Variants in KCNT2 observed in about 807,000 individuals in gnomAD.
KCNT2 encodes the protein potassium channel subfamily T member 2.
KCNT2 carries 67 observed loss-of-function variants against 153.8 expected under a neutral mutation model. The ratio of observed to expected loss-of-function variants is 0.44; its 90% confidence interval spans 0.36 to 0.53. The LOEUF is 0.53. Ranked by LOEUF, KCNT2 falls within the 20% of genes least tolerant of loss-of-function variation. The probability of loss-of-function intolerance (pLI) is 0.00; values close to 1 mark genes in which losing one functional copy is unlikely to be tolerated. For synonymous variants in KCNT2, 500 were observed against 458.8 expected, an observed-to-expected ratio of 1.09 and a Z score of -1.15; for missense variants, 975 against 1,354.8, an observed-to-expected ratio of 0.72 and a Z score of 4.40.
chr1:196,331,228 A>G lies in KCNT2; in HGVS notation c.2031T>C (p.Tyr677=). The change falls in exon 18 of 28, where the codon TAT becomes TAC. Residue 677 remains tyrosine, a synonymous_variant. Coordinates refer to ENST00000294725, the MANE Select transcript of KCNT2 (RefSeq NM_198503.5). ...YAKGYPPYSP[Y]IGSSPTFCHL... ...GACAAAAAGTGGGTGAACTTCCTAT[A>G]TATGGAGAATAAGGTGGGTAACCTT... 1 of 1,604,642 alleles carries G rather than the reference A, an allele frequency of 6.2e-7. No homozygotes were observed. Among genetic ancestry groups the G allele is most frequent in the South Asian group, 1.1e-5 (1 of 90,872 alleles).
rs549337678 is a variant in KCNT2, at chr1:196,507,558, C to T, written c.96-15217G>A. Among the ~76,000 whole-genome samples, 357 of 152,182 alleles carry T rather than the reference C, an allele frequency of 2.3e-3. 6 individuals carry two copies. Among genetic ancestry groups the T allele is most frequent in the Non-Finnish European group, 5.3e-4 (36 of 68,004 alleles). ...AAGTGCAGGTGGAGGGGTAACTCAG[C>T]AATTTTATTCTATCATTGCCTAGAA... On this transcript the variant is annotated intron_variant, in intron 1 of 27. Transcript: ENST00000294725.
chr1:196,265,193 G>A (rs533228), intron 25 of KCNT2, among the ~76,000 whole-genome samples: 112,927 of 152,026 alleles, frequency 0.74, 43,810 homozygotes, highest in East Asian at 0.94. Flanking sequence ...GGGTATCTAG[G>A]CAATGACCAC....
Position 196,280,953 on chromosome 1 carries a change from A to G in KCNT2, c.2817T>C (p.Thr939=). 1 of 1,611,810 alleles carries G rather than the reference A, an allele frequency of 6.2e-7. No individual in the cohort carries two copies. Among genetic ancestry groups the G allele is most frequent in the Non-Finnish European group, 8.5e-7 (1 of 1,177,962 alleles). Residue 939 remains threonine, a synonymous_variant, in exon 25 of 28, where the codon ACT becomes ACC. Transcript: ENST00000294725. The part of the protein sequence containing the change: ...KITADDLWIR[T]YARLYQKLCS... ...ACAACTTCTGATAAAGTCTGGCATA[A>G]GTTCTGATCCATAAGTCATCTGCAG...
At chr1:196,285,606 C>G in intron 23 of KCNT2, 51 bp downstream of exon 23, 1 of 1,167,308 alleles carries the variant, frequency 8.6e-7, no homozygotes, top group Non-Finnish European at 1.3e-6. Flanking sequence ...TAAATAAAAT[C>G]TAAAACAGAA....
intron 1 of KCNT2, among the ~76,000 whole-genome samples, chr1:196,603,221 T>G (rs1664953205): frequency 6.6e-6 from 1 of 152,236 alleles, no homozygotes; most frequent in Non-Finnish European, 1.5e-5. Context: ...AAGTAAATGC[T>G]TAAATCATTT....
intron 8 of KCNT2, among the ~76,000 whole-genome samples, chr1:196,449,514 A>C (rs1675970186): frequency 6.6e-6 from 1 of 151,786 alleles, no homozygotes; most frequent in Non-Finnish European, 1.5e-5. Flanking sequence ...TGGTATATTA[A>C]CCTGGGTAGG....
chr1:196,471,821 T>C (rs1029145175), intron 5 of KCNT2, among the ~76,000 whole-genome samples: 1 of 152,194 alleles, frequency 6.6e-6, no homozygotes, highest in African/African-American at 2.4e-5. Flanking sequence ...CGATTTTTCT[T>C]CCACATTAAA....
At chr1:196,469,826 GCA>G (rs1383633966) in intron 5 of KCNT2, among the ~76,000 whole-genome samples, 1 of 152,100 alleles carries the variant, frequency 6.6e-6, no homozygotes, top group Non-Finnish European at 1.5e-5. Context: ...ACGATAATGA[GCA>G]CAGACTTTCC....
rs1260757601 is a variant in KCNT2, at chr1:196,329,948, G to T, written c.2103+1208C>A. Among the ~76,000 whole-genome samples, 10 of 54,590 alleles carry T rather than the reference G, an allele frequency of 1.8e-4. No homozygotes were observed. The South Asian group carries it at 4.7e-3, about 26-fold the overall frequency. 35.8% of individuals were successfully genotyped at this position (54,590 alleles called of 152,430 possible). On this transcript the variant is annotated intron_variant, in intron 18 of 27. Transcript: ENST00000294725. ...TGAAATGGATAATTCTGTTCCTCAA[G>T]ACATATATATATATATATATATATA...
intron 13 of KCNT2, among the ~76,000 whole-genome samples, chr1:196,397,487 C>G (rs944411054): frequency 1.3e-5 from 2 of 151,366 alleles, no homozygotes; most frequent in African/African-American, 4.8e-5. Context: ...TAGAGAGGCC[C>G]TAGCACCTAT....
rs11802997 is a variant in KCNT2 at position 196,282,170 on chromosome 1, C to T, written c.2781+103G>A. The T allele has an allele frequency of 7.8e-3, 4,176 of 532,886 alleles. 132 individuals are homozygous for T. The highest frequency in any genetic ancestry group is 0.073 in the African/African-American group (3,732 of 51,324). The allele number at this position is 532,886 out of a possible 1,614,324, so 33.0% of individuals were successfully genotyped here. A position where few individuals can be genotyped will look rare whatever the true frequency, so the allele number is the denominator to read the frequency against. On this transcript the variant is annotated intron_variant, in intron 24 of 27. Transcript: ENST00000294725. ...CTCAAATGCATCTGGATTCACAATA[C>T]AAAAAATAACACATGACATAGAAGA...
chr1:196,308,935 T>C (rs1288062858), intron 21 of KCNT2, among the ~76,000 whole-genome samples: 3 of 152,058 alleles, frequency 2.0e-5, no homozygotes, highest in Non-Finnish European at 2.9e-5. Context: ...ATCAAGTTTT[T>C]ACTATTAGAA....
At chr1:196,521,715 A>G (rs919021472) in intron 1 of KCNT2, among the ~76,000 whole-genome samples, 6 of 152,110 alleles carry the variant, frequency 3.9e-5, no homozygotes, top group South Asian at 2.1e-4. Context: ...ACCAAAAACC[A>G]TATGTTCTCA....
intron 1 of KCNT2, among the ~76,000 whole-genome samples, chr1:196,537,840 C>A (rs1461737394): frequency 1.3e-5 from 2 of 152,174 alleles, no homozygotes; most frequent in Non-Finnish European, 2.9e-5. Flanking sequence ...ATTCTTATCT[C>A]TCGTGGGGGC....
chr1:196,283,168 A>G (rs1403544680), intron 23 of KCNT2, among the ~76,000 whole-genome samples: 1 of 152,156 alleles, frequency 6.6e-6, no homozygotes, highest in African/African-American at 2.4e-5. Context: ...TAAAAAATTA[A>G]GGAGGTGGCT....
At chr1:196,322,903 G>A (rs946681647) in intron 19 of KCNT2, among the ~76,000 whole-genome samples, 5 of 151,532 alleles carry the variant, frequency 3.3e-5, no homozygotes, top group Admixed American at 1.3e-4. Flanking sequence ...TTCATAATCC[G>A]TCCATCAGTT....
intron 1 of KCNT2, among the ~76,000 whole-genome samples, chr1:196,562,122 G>A (rs1659492435): frequency 6.6e-6 from 1 of 151,962 alleles, no homozygotes; most frequent in Non-Finnish European, 1.5e-5. Context: ...GACCTGGAAA[G>A]GGAATGGAAT....
At chr1:196,293,948 A>G (rs748562544) in intron 22 of KCNT2, among the ~76,000 whole-genome samples, 7 of 152,138 alleles carry the variant, frequency 4.6e-5, no homozygotes, top group African/African-American at 7.2e-5. Flanking sequence ...TTGGCAAATA[A>G]TACATTTGAT....
intron 13 of KCNT2, among the ~76,000 whole-genome samples, chr1:196,394,987 T>G (rs868511137): frequency 0.059 from 8,805 of 148,628 alleles, 392 homozygotes; most frequent in Non-Finnish European, 0.086. Flanking sequence ...TTCCAATAGA[T>G]TTTTTTTTTT....
Sources: gnomAD v4.1 joint callset for allele counts (sites outside exome capture counted in the v4.1 genomes callset) on GRCh38, gnomAD v4.1.1 for gene constraint, MANE v1.5 for transcripts, NCBI Gene and HGNC (gene_info 2026-07-23, HGNC 2026-07-21) for gene names.